The following STXBP5L variants were observed in gnomAD, a reference collection of about 807,000 sequenced individuals.
STXBP5L encodes syntaxin binding protein 5L.
In STXBP5L, 65 loss-of-function variants were observed where a neutral mutation model predicts 144.5. The ratio of observed to expected loss-of-function variants is 0.45; its 90% CI spans 0.37 to 0.55. The LOEUF is 0.55. Ranked by LOEUF, STXBP5L falls within the 20% of genes least tolerant of loss-of-function variation. The pLI is 0.00. For synonymous variants in STXBP5L, 505 were observed against 469.6 expected, an observed-to-expected ratio of 1.08 and a Z score of -0.97; for missense variants, 1,298 against 1,405.5, an observed-to-expected ratio of 0.92 and a Z score of 1.22.
intron 6 of STXBP5L, among the ~76,000 whole-genome samples, chr3:121,116,622 T>A (rs1271292617): frequency 6.6e-6 from 1 of 152,068 alleles, no homozygotes; most frequent in Non-Finnish European, 1.5e-5. Context: ...GACTTACAAC[T>A]TTCATTTATG....
intron 8 of STXBP5L, among the ~76,000 whole-genome samples, chr3:121,156,318 A>G (rs2046108521): frequency 1.3e-5 from 2 of 151,938 alleles, no homozygotes; most frequent in African/African-American, 4.8e-5. Context: ...TTTTAGTTGT[A>G]TGTGTCTGTG....
rs1944645931 is a variant in STXBP5L at position 121,009,934 on chromosome 3, A to T, written c.288-31766A>T. ...TCTGCTTGGACTCCTACTGAGTTTT[A>T]AAAATGGGGATATTTTCAACACATC... On this transcript the variant is annotated intron_variant, in intron 3 of 26. Coordinates refer to ENST00000471454, the MANE Select transcript of STXBP5L (RefSeq NM_001308330.2). Among the ~76,000 whole-genome samples the T allele has an allele frequency of 2.6e-5, 4 of 152,022 alleles. No individual in the cohort carries two copies. The South Asian group carries it at 8.3e-4, about 32-fold the overall frequency.
chr3:121,015,173 G>A (rs1314178438), intron 3 of STXBP5L, among the ~76,000 whole-genome samples: 1 of 152,038 alleles, frequency 6.6e-6, no homozygotes, highest in Admixed American at 6.6e-5. Context: ...TATTGACAAG[G>A]TGATTTAAAA....
intron 5 of STXBP5L, among the ~76,000 whole-genome samples, chr3:121,072,931 A>G (rs2041867705): frequency 6.6e-6 from 1 of 152,172 alleles, no homozygotes; most frequent in African/African-American, 2.4e-5. Flanking sequence ...GTCAGTATAG[A>G]TGTTTACTGA....
At chr3:120,946,334 C>A (rs1308968857) in intron 2 of STXBP5L, among the ~76,000 whole-genome samples, 1 of 151,700 alleles carries the variant, frequency 6.6e-6, no homozygotes, top group African/African-American at 2.4e-5. Flanking sequence ...CAACATATGG[C>A]TTCCATTTCA....
intron 10 of STXBP5L, among the ~76,000 whole-genome samples, chr3:121,221,212 G>T (rs338974): frequency 0.49 from 74,081 of 151,618 alleles, 18,563 homozygotes; most frequent in East Asian, 0.73. Flanking sequence ...AGTTTATAGA[G>T]AAATGCATAT....
In STXBP5L at chr3:121,155,315, C is replaced by T. The variant is rs185418739; in HGVS notation, c.754-2189C>T. Among the ~76,000 whole-genome samples, 10 of 151,924 alleles carry T rather than the reference C, an allele frequency of 6.6e-5. No homozygotes were observed. The East Asian group carries it at 1.9e-3, about 29-fold the overall frequency. The stretch of plus-strand genomic sequence containing the variant: ...CTTATTGCTTATCTCTGAGCCTTTG[C>T]TCCTTCTAACTTCTCATCATGAACT... On this transcript the variant is annotated intron_variant, in intron 8 of 26. Coordinates refer to ENST00000471454, the MANE Select transcript of STXBP5L (RefSeq NM_001308330.2).
chr3:121,422,376 C>T lies in STXBP5L; in HGVS notation c.*3279C>T, dbSNP rs971745284. ...CAGTCCCAACAAGTTGACCTTGTCT[C>T]CCTATGATTTCCTTGGAAGATAAGG... On this transcript the variant is annotated 3_prime_UTR_variant, in exon 27 of 27. Coordinates refer to ENST00000471454, the MANE Select transcript of STXBP5L (RefSeq NM_001308330.2). 9.2e-5 allele frequency: 14 copies of T among 152,124 alleles called. No homozygotes were observed. The highest frequency in any genetic ancestry group is 4.6e-4 in the Admixed American group (7 of 15,252). The allele number at this position is 152,124 out of a possible 1,614,324, so 9.4% of individuals were successfully genotyped here.
chr3:121,318,920 T>A (rs1038875648), intron 20 of STXBP5L, among the ~76,000 whole-genome samples: 1 of 152,258 alleles, frequency 6.6e-6, no homozygotes, highest in Admixed American at 6.5e-5. Flanking sequence ...CAGAAGCAAA[T>A]GATACCATTC....
chr3:121,349,908 A>G (rs1318908433), intron 20 of STXBP5L, among the ~76,000 whole-genome samples: 1 of 151,996 alleles, frequency 6.6e-6, no homozygotes, highest in African/African-American at 2.4e-5. Context: ...TTGACTCTTT[A>G]TCCAATTTGC....
At chr3:121,297,500 T>C (rs930270560) in intron 19 of STXBP5L, among the ~76,000 whole-genome samples, 1 of 152,150 alleles carries the variant, frequency 6.6e-6, no homozygotes, top group Non-Finnish European at 1.5e-5. Context: ...ACGCCTATAA[T>C]CCTAGCACTT....
intron 9 of STXBP5L, among the ~76,000 whole-genome samples, chr3:121,181,770 A>T (rs1577135497): frequency 6.6e-6 from 1 of 152,154 alleles, no homozygotes; most frequent in East Asian, 1.9e-4. Flanking sequence ...AAACAAACAA[A>T]CAAACAAAAA....
At chr3:121,380,274 A>G (rs1168809549) in intron 21 of STXBP5L, among the ~76,000 whole-genome samples, 1 of 152,190 alleles carries the variant, frequency 6.6e-6, no homozygotes, top group Non-Finnish European at 1.5e-5. Context: ...TCTAAATTTT[A>G]TGACAAACAA....
intron 5 of STXBP5L, among the ~76,000 whole-genome samples, chr3:121,084,329 G>T (rs578211674): frequency 6.6e-6 from 1 of 152,212 alleles, no homozygotes; most frequent in South Asian, 2.1e-4. Flanking sequence ...AGCCCTGCAT[G>T]CATTAGCTAT....
chr3:120,984,632 C>CT (rs35656223), intron 3 of STXBP5L, among the ~76,000 whole-genome samples: 12,638 of 72,210 alleles, frequency 0.18, 1,257 homozygotes, highest in Non-Finnish European at 0.21. Context: ...TCTTTCTTTC[C>CT]TTTTTTTTTT....
chr3:121,294,881 G>C (rs2051586764), intron 19 of STXBP5L, among the ~76,000 whole-genome samples: 1 of 152,170 alleles, frequency 6.6e-6, no homozygotes, highest in Non-Finnish European at 1.5e-5. Flanking sequence ...TCAGAAAAGT[G>C]ATTAGAGTGT....
At chr3:121,165,218 A>T (rs1559813821) in intron 9 of STXBP5L, among the ~76,000 whole-genome samples, 1 of 152,326 alleles carries the variant, frequency 6.6e-6, no homozygotes, top group East Asian at 1.9e-4. Context: ...GTATGCTTTA[A>T]AAGTTTGGAA....
chr3:120,980,663 A>C (rs1366231698), intron 3 of STXBP5L, among the ~76,000 whole-genome samples: 1 of 152,074 alleles, frequency 6.6e-6, no homozygotes, highest in East Asian at 1.9e-4. Context: ...CATTCTGCCA[A>C]TCTATATCTT....
intron 5 of STXBP5L, among the ~76,000 whole-genome samples, chr3:121,054,542 G>T (rs1367655685): frequency 7.2e-6 from 1 of 138,136 alleles, no homozygotes; most frequent in Non-Finnish European, 1.5e-5. Context: ...TGAACAATGA[G>T]AACACATGGA....
Sources: gnomAD v4.1 joint callset for allele counts (sites outside exome capture counted in the v4.1 genomes callset) on GRCh38, gnomAD v4.1.1 for gene constraint, MANE v1.5 for transcripts, NCBI Gene and HGNC (gene_info 2026-07-23, HGNC 2026-07-21) for gene names.